The following AHCTF1 variants were observed in gnomAD, a reference collection of about 807,000 sequenced individuals.
The protein encoded by AHCTF1 is protein ELYS.
A neutral mutation model predicts 248.4 loss-of-function variants in AHCTF1; 24 were observed. The observed-to-expected ratio is 0.10, with a 90% CI of 0.07 to 0.14. The LOEUF is 0.14. AHCTF1 is among the 10% of genes least tolerant of loss of function. The pLI is 1.00. For missense variants in AHCTF1, 2,206 were observed against 2,636.2 expected, an observed-to-expected ratio of 0.84 and a Z score of 3.57; for synonymous variants, 786 against 929.8, an observed-to-expected ratio of 0.85 and a Z score of 2.81.
rs560339923 is a variant in AHCTF1 at position 246,891,348 on chromosome 1, A to C, written c.1946-288T>G. ...TTTCACCTCAGCTACACTTTCATTT[A>C]GCTAATTCCAGAACTCAGATTTACT... On this transcript the variant is annotated intron_variant, in intron 15 of 35. Coordinates refer to ENST00000648844, the MANE Select transcript of AHCTF1 (RefSeq NM_001323342.2). Among the ~76,000 whole-genome samples, 183 of 152,314 alleles carry C rather than the reference A, an allele frequency of 1.2e-3. 4 individuals are homozygous for C. The highest frequency in any genetic ancestry group is 3.7e-3 in the African/African-American group (155 of 41,584).
intron 30 of AHCTF1, among the ~76,000 whole-genome samples, chr1:246,856,275 T>C (rs1404879654): frequency 3.3e-5 from 5 of 152,188 alleles, no homozygotes; most frequent in African/African-American, 1.2e-4. Context: ...GAAACCTGTA[T>C]TAATCCACAT....
rs550750308 is a variant in AHCTF1 at position 246,869,088 on chromosome 1, C to T, written c.3089-1277G>A. Among the ~76,000 whole-genome samples the T allele has an allele frequency of 6.4e-3, 964 of 151,298 alleles. 17 individuals carry two copies. The highest frequency in any genetic ancestry group is 0.022 in the African/African-American group (915 of 40,834). ...CTCGATCTCCTGACCTCGTGATCCGCCCGCCTTGGCCTCCCAAAGTGCTGG... is the reference window on the plus strand; with the variant it reads ...CTCGATCTCCTGACCTCGTGATCCGTCCGCCTTGGCCTCCCAAAGTGCTGG... On this transcript the variant is annotated intron_variant, in intron 24 of 35. Coordinates refer to ENST00000648844, the MANE Select transcript of AHCTF1 (RefSeq NM_001323342.2).
At chr1:246,921,230 C>A (rs1164320857) in intron 1 of AHCTF1, among the ~76,000 whole-genome samples, 4 of 151,448 alleles carry the variant, frequency 2.6e-5, no homozygotes, top group Non-Finnish European at 5.9e-5. Flanking sequence ...ATGAAAAAAA[C>A]AAAGAAAAAA....
At position 246,929,857 on chromosome 1, in the gene AHCTF1, G is replaced by T. The variant is rs569683930; in HGVS notation, c.-8+1721C>A. On this transcript the variant is annotated intron_variant, in intron 1 of 35. Coordinates refer to ENST00000648844, the MANE Select transcript of AHCTF1 (RefSeq NM_001323342.2). ...TCACGAGGTCAGAAGTTCAAGACCA[G>T]CCTGGCCAATATGGTGAAACCCCGT... Among the ~76,000 whole-genome samples, 320 of 152,272 alleles carry T rather than the reference G, an allele frequency of 2.1e-3. 2 individuals carry two copies. Among genetic ancestry groups the T allele is most frequent in the Non-Finnish European group, 3.5e-3 (237 of 68,012 alleles).
At chr1:246,892,596 C>T (rs903815741) in intron 14 of AHCTF1, among the ~76,000 whole-genome samples, 3 of 152,106 alleles carry the variant, frequency 2.0e-5, no homozygotes, top group African/African-American at 2.4e-5. Flanking sequence ...CCTGGGATTA[C>T]AGGCATGAGC....
At chr1:246,873,696 A>G (rs1311744187) in intron 24 of AHCTF1, among the ~76,000 whole-genome samples, 1 of 152,246 alleles carries the variant, frequency 6.6e-6, no homozygotes, top group Non-Finnish European at 1.5e-5. Flanking sequence ...AATCTGTCCT[A>G]TACTGAATAT....
chr1:246,885,736 A>T, intron 20 of AHCTF1, 56 bp from the exon 21 acceptor site: 1 of 1,484,764 alleles, frequency 6.7e-7, no homozygotes, highest in Non-Finnish European at 9.1e-7. Flanking sequence ...ATTTAGACAA[A>T]GTAGGTAAAC....
chr1:246,877,520 G>A lies in AHCTF1; in HGVS notation c.2661-218C>T, dbSNP rs866302088. On this transcript the variant is annotated intron_variant, in intron 21 of 35. Coordinates refer to ENST00000648844, the MANE Select transcript of AHCTF1 (RefSeq NM_001323342.2). Reference sequence around the variant, plus strand: ...TTAAAGAATTTTATGCTGCTTTTTAGATATAAAATAATAAAAAAGCAAAGT... The same window carrying A: ...TTAAAGAATTTTATGCTGCTTTTTAAATATAAAATAATAAAAAAGCAAAGT... 3.3e-5 allele frequency among the ~76,000 whole-genome samples: 5 copies of A among 151,740 alleles called. No individual in the cohort carries two copies. In the South Asian group the frequency reaches 1.0e-3, roughly 31 times the overall value.
intron 21 of AHCTF1, among the ~76,000 whole-genome samples, chr1:246,885,190 G>C (rs1663728339): frequency 1.3e-5 from 2 of 152,278 alleles, no homozygotes; most frequent in East Asian, 3.9e-4. Flanking sequence ...TTATACAGTT[G>C]TCCCTCAGTA....
intron 33 of AHCTF1, among the ~76,000 whole-genome samples, 164 bp from the exon 34 acceptor site, chr1:246,844,092 C>T (rs528964573): frequency 3.3e-5 from 5 of 152,226 alleles, no homozygotes; most frequent in South Asian, 2.1e-4. Context: ...GGCAGAGAAA[C>T]GACAGAAAAA....
At chr1:246,895,793 C>T (rs1199467454) in intron 13 of AHCTF1, 42 bp downstream of exon 13, 2 of 1,491,276 alleles carry the variant, frequency 1.3e-6, no homozygotes, top group Non-Finnish European at 1.8e-6. Flanking sequence ...AAGTTGATAA[C>T]TTTAAAAATA....
At chr1:246,855,930 A>C (rs1661083043) in intron 30 of AHCTF1, 103 bp from the exon 31 acceptor site, 10 of 680,274 alleles carry the variant, frequency 1.5e-5, no homozygotes, top group Non-Finnish European at 2.4e-5. Flanking sequence ...ATGTAAACTG[A>C]GGTTCAGAGA....
At chr1:246,862,492 AAG>A (rs1661642467) in intron 27 of AHCTF1, among the ~76,000 whole-genome samples, 1 of 152,126 alleles carries the variant, frequency 6.6e-6, no homozygotes, top group Non-Finnish European at 1.5e-5. Flanking sequence ...AAAAAAAAAA[AAG>A]TGCTTATATA....
intron 20 of AHCTF1, 127 bp from the exon 21 acceptor site, chr1:246,885,807 T>C (rs367757583): frequency 2.2e-6 from 2 of 896,744 alleles, no homozygotes; most frequent in South Asian, 3.9e-5. Context: ...TGAAAAAATC[T>C]ACTTTAATCT....
At chr1:246,919,396 C>T (rs1463448039) in intron 1 of AHCTF1, among the ~76,000 whole-genome samples, 1 of 152,084 alleles carries the variant, frequency 6.6e-6, no homozygotes, top group Non-Finnish European at 1.5e-5. Context: ...AATGTGTGGC[C>T]AGAATTCAAG....
chr1:246,894,399 C>T (rs1008732228), intron 14 of AHCTF1, among the ~76,000 whole-genome samples: 5 of 152,044 alleles, frequency 3.3e-5, no homozygotes, highest in African/African-American at 7.2e-5. Context: ...GGTGAAACCC[C>T]GTCTCTACTA....
At chr1:246,868,248 C>T (rs373012684) in intron 24 of AHCTF1, among the ~76,000 whole-genome samples, 2 of 151,894 alleles carry the variant, frequency 1.3e-5, no homozygotes, top group Admixed American at 6.6e-5. Context: ...CCTGCCTTAG[C>T]CTCCCGAGTA....
At chr1:246,851,975 G>A (rs1271373820) in intron 32 of AHCTF1, 1 of 153,120 alleles carries the variant, frequency 6.5e-6, no homozygotes, top group African/African-American at 2.4e-5. Flanking sequence ...AATTCCTAAG[G>A]CTTTCAAGTT....
rs551861782 is a variant in AHCTF1, at chr1:246,895,766, A to G, written c.1714+69T>C. ...TATCAAAATTAAAATAACTAAGAAA[A>G]AAATATAACAAATAGCAAGTTGATA... On this transcript the variant is annotated intron_variant, in intron 13 of 35. Transcript: ENST00000648844. 2.0e-4 allele frequency: 261 copies of G among 1,312,594 alleles called. No individual in the cohort carries two copies. In the African/African-American group the frequency reaches 2.8e-3, roughly 14 times the overall value. The allele number at this position is 1,312,594 out of a possible 1,614,324, so 81.3% of individuals were successfully genotyped here.
Sources: allele counts gnomAD v4.1 joint callset (sites outside exome capture counted in the v4.1 genomes callset), GRCh38; gene constraint gnomAD v4.1.1; transcripts MANE v1.5; gene names NCBI Gene and HGNC (gene_info 2026-07-23, HGNC 2026-07-21).